The following ZC2HC1B variants were observed in gnomAD, a reference collection of about 807,000 sequenced individuals.
ZC2HC1B encodes the protein zinc finger C2HC domain-containing protein 1B.
In ZC2HC1B, 36 loss-of-function variants were observed where a neutral mutation model predicts 31.0. The ratio of observed to expected loss-of-function variants is 1.16; its 90% confidence interval spans 0.89 to 1.54. ZC2HC1B has a LOEUF of 1.54. Ranked by LOEUF, ZC2HC1B falls within the 40% of genes most tolerant of loss-of-function variation. The probability of loss-of-function intolerance (pLI) is 0.00; values close to 1 mark genes in which losing one functional copy is unlikely to be tolerated. For synonymous variants in ZC2HC1B, 73 were observed against 88.0 expected (o/e 0.83, Z 0.95); for missense variants, 260 against 268.6 (o/e 0.97, Z 0.22).
Position 143,933,438 on chromosome 6 carries a change from G to A in ZC2HC1B, c.599-4211G>A, listed in dbSNP as rs905475467. On this transcript the variant is annotated intron_variant, in intron 6 of 7. Transcript: ENST00000237275. The surrounding 1 kb of genome is among the most constrained non-coding windows in gnomAD (Gnocchi z 6.4). ...GTCTTTTGTGATTCACTATTGGACCGGGTAGAGAAATACTATCAGGTGCAG... is the reference window on the plus strand; with the variant it reads ...GTCTTTTGTGATTCACTATTGGACCAGGTAGAGAAATACTATCAGGTGCAG... Among the ~76,000 whole-genome samples, 2 of 152,054 alleles carry A rather than the reference G, an allele frequency of 1.3e-5. No individual in the cohort carries two copies. Among genetic ancestry groups the A allele is most frequent in the Non-Finnish European group, 2.9e-5 (2 of 68,026 alleles).
intron 6 of ZC2HC1B, among the ~76,000 whole-genome samples, chr6:143,920,596 A>G (rs1777975151): frequency 6.6e-6 from 1 of 152,160 alleles, no homozygotes; most frequent in Non-Finnish European, 1.5e-5. Context: ...GATGTCACTA[A>G]GTAAAAGGCA....
At chr6:143,907,091 T>C (rs560604016) in intron 6 of ZC2HC1B, among the ~76,000 whole-genome samples, 115 of 152,314 alleles carry the variant, frequency 7.6e-4, no homozygotes, top group African/African-American at 2.6e-3. Context: ...TCCATCCACG[T>C]CCCTGCAAAG....
chr6:143,892,443 A>T (rs1777611765), intron 4 of ZC2HC1B, among the ~76,000 whole-genome samples: 1 of 151,934 alleles, frequency 6.6e-6, no homozygotes, highest in Non-Finnish European at 1.5e-5. Flanking sequence ...CCACAGATGT[A>T]TGCCACTGTG....
At position 143,886,313 on chromosome 6, in the gene ZC2HC1B, C is replaced by T. The variant is rs912571920; in HGVS notation, c.210+162C>T. Among the ~76,000 whole-genome samples the T allele has an allele frequency of 3.9e-5, 6 of 152,264 alleles. No homozygotes were observed. The highest frequency in any genetic ancestry group is 2.0e-4 in the Admixed American group (3 of 15,278). ...TTATAATCTTGCTCACTTAGATTTC[C>T]AGATATACTTCAGATATTTTCCAGA... is the stretch of plus-strand genomic sequence containing the variant. On this transcript the variant is annotated intron_variant, in intron 3 of 7. Coordinates refer to ENST00000237275, the MANE Select transcript of ZC2HC1B (RefSeq NM_001013623.3). This position sits in a 1 kb window ranked among gnomAD's most constrained non-coding sequence, Gnocchi z 4.2.
Position 143,871,174 on chromosome 6 carries a change from C to T in ZC2HC1B, c.28+6607C>T, listed in dbSNP as rs1018907613. Among the ~76,000 whole-genome samples, 5 of 152,182 alleles carry T rather than the reference C, an allele frequency of 3.3e-5. No homozygotes were observed. Among genetic ancestry groups the T allele is most frequent in the African/African-American group, 4.8e-5 (2 of 41,446 alleles). On this transcript the variant is annotated intron_variant, in intron 1 of 7. Coordinates refer to ENST00000237275, the MANE Select transcript of ZC2HC1B (RefSeq NM_001013623.3). The surrounding 1 kb of genome is among the most constrained non-coding windows in gnomAD (Gnocchi z 4.1). The stretch of plus-strand genomic sequence containing the variant: ...CCTAAATTTTCATCAGATTTCCCAT[C>T]CTCTGGCACGCAAATATCTCACCAA...
intron 4 of ZC2HC1B, among the ~76,000 whole-genome samples, chr6:143,896,177 A>G (rs1178510047): frequency 1.3e-5 from 2 of 152,154 alleles, no homozygotes; most frequent in Non-Finnish European, 2.9e-5. Context: ...TATCCCACCA[A>G]GCAGTAATTG....
At chr6:143,874,269 C>G (rs1411996816) in intron 1 of ZC2HC1B, among the ~76,000 whole-genome samples, 2 of 152,186 alleles carry the variant, frequency 1.3e-5, no homozygotes, top group Non-Finnish European at 2.9e-5. Context: ...CCTTATTGTT[C>G]ATATCACCAT....
rs537260287 is a variant in ZC2HC1B, at chr6:143,895,199, G to A, written c.350-3353G>A. ...GTTTTTGAGACAGAGTTTTGCTCTTGTTGCCCAGACTGGAGTGCAATGGCA... is the reference window on the plus strand; with the variant it reads ...GTTTTTGAGACAGAGTTTTGCTCTTATTGCCCAGACTGGAGTGCAATGGCA... On this transcript the variant is annotated intron_variant, in intron 4 of 7. Coordinates refer to ENST00000237275, the MANE Select transcript of ZC2HC1B (RefSeq NM_001013623.3). This position sits in a 1 kb window ranked among gnomAD's most constrained non-coding sequence, Gnocchi z 4.8. Among the ~76,000 whole-genome samples the A allele has an allele frequency of 6.6e-6, 1 of 152,252 alleles. No homozygotes were observed. The highest frequency in any genetic ancestry group is 1.5e-5 in the Non-Finnish European group (1 of 68,018).
rs1165272376 is a variant in ZC2HC1B at position 143,919,213 on chromosome 6, T to TTC, written c.598+16065_598+16066dup. ...ATTCTCCCTTCTGCAGGGTTTGCTATTCTCTGTGTGTGTGTGTGTGTGTGT... is the reference window on the plus strand; with the variant it reads ...ATTCTCCCTTCTGCAGGGTTTGCTATTCTCTCTGTGTGTGTGTGTGTGTGTGT... On this transcript the variant is annotated intron_variant, in intron 6 of 7. Transcript: ENST00000237275. Among the ~76,000 whole-genome samples, 471 of 125,482 alleles carry TTC rather than the reference T, an allele frequency of 3.8e-3. 1 individual carries two copies. Among genetic ancestry groups the TTC allele is most frequent in the African/African-American group, 0.012 (400 of 32,752 alleles). 82.3% of individuals were successfully genotyped at this position (125,482 alleles called of 152,430 possible).
chr6:143,928,339 A>G (rs905911420), intron 6 of ZC2HC1B, among the ~76,000 whole-genome samples: 5 of 152,102 alleles, frequency 3.3e-5, no homozygotes, highest in African/African-American at 1.2e-4. Context: ...TGGCTATACA[A>G]TTTTCCCAGC....
In ZC2HC1B at chr6:143,933,921, T is replaced by C. The variant is rs1266364276; in HGVS notation, c.599-3728T>C. Among the ~76,000 whole-genome samples the C allele has an allele frequency of 1.3e-5, 2 of 152,184 alleles. No homozygotes were observed. Among genetic ancestry groups the C allele is most frequent in the African/African-American group, 4.8e-5 (2 of 41,450 alleles). On this transcript the variant is annotated intron_variant, in intron 6 of 7. Transcript: ENST00000237275. This position sits in a 1 kb window ranked among gnomAD's most constrained non-coding sequence, Gnocchi z 6.4. Reference sequence around the variant, plus strand: ...ATTACAAAGTTCAGTTGGAAGCTTCTTTCACCCTGTGACCCCTCTCAAATT... The same window carrying C: ...ATTACAAAGTTCAGTTGGAAGCTTCCTTCACCCTGTGACCCCTCTCAAATT...
intron 6 of ZC2HC1B, among the ~76,000 whole-genome samples, chr6:143,935,771 C>T (rs1487494254): frequency 6.7e-6 from 1 of 149,842 alleles, no homozygotes; most frequent in African/African-American, 2.5e-5. Flanking sequence ...CCTCTCACCT[C>T]AGCCTCCTGA....
chr6:143,866,057 C>T (rs565660091), intron 1 of ZC2HC1B, among the ~76,000 whole-genome samples: 18 of 152,302 alleles, frequency 1.2e-4, no homozygotes, highest in East Asian at 7.7e-4. Flanking sequence ...CCTTATGATC[C>T]GCCCGCCTCG....
intron 6 of ZC2HC1B, among the ~76,000 whole-genome samples, chr6:143,926,288 T>C (rs546917344): frequency 6.6e-6 from 1 of 152,344 alleles, no homozygotes; most frequent in Admixed American, 6.5e-5. Context: ...GCACTTCTTT[T>C]GCTACATCCC....
At chr6:143,906,432 T>G (rs1167727453) in intron 6 of ZC2HC1B, among the ~76,000 whole-genome samples, 1 of 151,924 alleles carries the variant, frequency 6.6e-6, no homozygotes, top group African/African-American at 2.4e-5. Context: ...CTTTTTTAAT[T>G]TTAATTTTAA....
chr6:143,930,381 C>CTT (rs34308015), intron 6 of ZC2HC1B, among the ~76,000 whole-genome samples: 1 of 111,782 alleles, frequency 8.9e-6, no homozygotes, highest in Admixed American at 1.0e-4. Context: ...TTGAGAGTTT[C>CTT]TTTTTTTTTT....
rs1777763453 is a variant in ZC2HC1B, at chr6:143,903,805, T to G, written c.598+653T>G. Among the ~76,000 whole-genome samples, 1 of 152,234 alleles carries G rather than the reference T, an allele frequency of 6.6e-6. No individual in the cohort carries two copies. Among genetic ancestry groups the G allele is most frequent in the Non-Finnish European group, 1.5e-5 (1 of 68,048 alleles). ...ATACACTAAATCATCTCCAGATTAC[T>G]TATAATACCTAAGGCAATGTAAATG... On this transcript the variant is annotated intron_variant, in intron 6 of 7. Coordinates refer to ENST00000237275, the MANE Select transcript of ZC2HC1B (RefSeq NM_001013623.3). The surrounding 1 kb of genome is among the most constrained non-coding windows in gnomAD (Gnocchi z 4.3).
In ZC2HC1B at chr6:143,872,166, T is replaced by C. The variant is rs1777348986; in HGVS notation, c.28+7599T>C. Among the ~76,000 whole-genome samples, 1 of 152,042 alleles carries C rather than the reference T, an allele frequency of 6.6e-6. No individual in the cohort carries two copies. Among genetic ancestry groups the C allele is most frequent in the African/African-American group, 2.4e-5 (1 of 41,388 alleles). On this transcript the variant is annotated intron_variant, in intron 1 of 7. Coordinates refer to ENST00000237275, the MANE Select transcript of ZC2HC1B (RefSeq NM_001013623.3). The surrounding 1 kb of genome is among the most constrained non-coding windows in gnomAD (Gnocchi z 5.5). ...ATAAATTGTCAGTAGTGTAATGGAGTCCTTTTTCAAGGGGACCCGGCCTCC... is the reference window on the plus strand; with the variant it reads ...ATAAATTGTCAGTAGTGTAATGGAGCCCTTTTTCAAGGGGACCCGGCCTCC...
intron 1 of ZC2HC1B, among the ~76,000 whole-genome samples, chr6:143,881,117 C>T (rs1777460979): frequency 6.6e-6 from 1 of 152,200 alleles, no homozygotes; most frequent in Admixed American, 6.5e-5. Context: ...CTTTTACAGT[C>T]TCTAATCTGT....
Sources: gnomAD v4.1 joint callset for allele counts (sites outside exome capture counted in the v4.1 genomes callset) on GRCh38, gnomAD v4.1.1 for gene constraint, Gnocchi (gnomAD v3.1) non-coding constraint, MANE v1.5 for transcripts, NCBI Gene and HGNC (gene_info 2026-07-23, HGNC 2026-07-21) for gene names.